Variants in TBC1D2 observed in about 807,000 individuals in gnomAD.
TBC1D2 encodes the protein TBC1 domain family member 2A.
TBC1D2 carries 58 observed loss-of-function variants against 91.1 expected under a neutral mutation model. The observed-to-expected ratio is 0.64, with a 90% CI of 0.52 to 0.79. The LOEUF is 0.79. TBC1D2 is among the 30% of genes least tolerant of loss of function. The pLI, the probability that TBC1D2 is intolerant of heterozygous loss-of-function variation, is 0.00. For missense variants in TBC1D2, 1,080 were observed against 1,208.3 expected (o/e 0.89, Z 1.57); for synonymous variants, 482 against 511.5 (o/e 0.94, Z 0.78).
rs754388447 is a variant in TBC1D2, at chr9:98,208,987, C to T, written c.1831G>A (p.Asp611Asn). The T allele has an allele frequency of 6.2e-6, 10 of 1,614,006 alleles. No homozygotes were observed. The highest frequency in any genetic ancestry group is 3.3e-5 in the South Asian group (3 of 91,080). ...PLRERWAALG[D>N]LVPSAELKQL... ...TTGAGCTCGGCTGAGGGCACAAGAT[C>T]GCCCAGGGCAGCCCAGCGCTCCCTC... The change falls in exon 9 of 13, where the codon GAT becomes AAT. Residue 611 changes from aspartate to asparagine, a missense_variant. Asp to Asn is a conservative substitution (Grantham distance 23). Coordinates refer to ENST00000465784, the MANE Select transcript of TBC1D2 (RefSeq NM_001267571.2).
chr9:98,220,731 C>T lies in TBC1D2; in HGVS notation c.1374+102G>A. On this transcript the variant is annotated intron_variant, in intron 6 of 12. Transcript: ENST00000465784. ...GAATATTCTAGGATGAAGGGGTATC[C>T]CCACTCCACCTAGCAAACCCTTAGG... The T allele has an allele frequency of 4.2e-6, 6 of 1,438,092 alleles. No individual in the cohort carries two copies. In the South Asian group the frequency reaches 6.7e-5, roughly 16 times the overall value. The allele number at this position is 1,438,092 out of a possible 1,614,324, so 89.1% of individuals were successfully genotyped here.
intron 5 of TBC1D2, among the ~76,000 whole-genome samples, chr9:98,224,068 C>T (rs892314506): frequency 3.3e-5 from 5 of 151,776 alleles, no homozygotes; most frequent in Admixed American, 1.3e-4. Flanking sequence ...GGCGTGGTGG[C>T]GGGTGCCTGT....
chr9:98,238,952 A>C (rs1261940517), intron 3 of TBC1D2, among the ~76,000 whole-genome samples: 1 of 151,870 alleles, frequency 6.6e-6, no homozygotes. Context: ...CAAACTCCTG[A>C]CCTCAGGTGA....
chr9:98,212,003 G>GAA (rs1358664928), intron 7 of TBC1D2, among the ~76,000 whole-genome samples: 13 of 151,982 alleles, frequency 8.6e-5, no homozygotes, highest in South Asian at 4.2e-4. Context: ...TCACCATGTT[G>GAA]CCCAGGCTGG....
At chr9:98,201,802 C>A in intron 10 of TBC1D2, 138 bp from the exon 11 acceptor site, 1 of 787,088 alleles carries the variant, frequency 1.3e-6, no homozygotes, top group Non-Finnish European at 2.0e-6. Context: ...CCAGGAGACA[C>A]CTCGGGGAGC....
chr9:98,209,569 T>G (rs928301714), intron 8 of TBC1D2, among the ~76,000 whole-genome samples: 2 of 152,136 alleles, frequency 1.3e-5, no homozygotes, highest in African/African-American at 4.8e-5. Flanking sequence ...ACAGCACCAA[T>G]GACAGACAGG....
intron 2 of TBC1D2, among the ~76,000 whole-genome samples, chr9:98,246,952 T>C (rs1272646580): frequency 6.6e-6 from 1 of 151,348 alleles, no homozygotes; most frequent in Non-Finnish European, 1.5e-5. Context: ...GAACCAAACC[T>C]GGCTTTGGGT....
chr9:98,228,988 C>T lies in TBC1D2; in HGVS notation c.942G>A (p.Gln314=), dbSNP rs771503718. Residue 314 remains glutamine (Q), a synonymous_variant, in exon 5 of 13, where the codon CAG becomes CAA. Coordinates refer to ENST00000465784, the MANE Select transcript of TBC1D2 (RefSeq NM_001267571.2). The surrounding 1 kb of genome is among the most constrained non-coding windows in gnomAD (Gnocchi z 4.0). ...TTAACTCCTTGGTGAGCATCAGAAC[C>T]TGTTGCTCCAAGGCTGCCACTTTCT... The part of the protein sequence containing the change: ...AQEKVAALEQ[Q]VLMLTKELKS... The T allele has an allele frequency of 6.2e-7, 1 of 1,614,226 alleles. No homozygotes were observed. The highest frequency in any genetic ancestry group is 2.2e-5 in the East Asian group (1 of 44,886).
chr9:98,217,429 A>C (rs1828997216), intron 6 of TBC1D2, among the ~76,000 whole-genome samples: 1 of 152,238 alleles, frequency 6.6e-6, no homozygotes, highest in African/African-American at 2.4e-5. Context: ...ACCCTGGGCC[A>C]GTCCTTCTCC....
In TBC1D2 at chr9:98,251,835, G is replaced by A. The variant is rs1481134359; in HGVS notation, c.461C>T (p.Thr154Ile). 5.0e-6 allele frequency: 8 copies of A among 1,605,182 alleles called. No homozygotes were observed. The South Asian group carries it at 7.8e-5, about 16-fold the overall frequency. Residue 154 changes from threonine (T) to isoleucine (I), a missense_variant, in exon 2 of 13, where the codon ACC (threonine) becomes ATC (isoleucine). Physicochemically the swap from Thr to Ile is moderately conservative, Grantham distance 89 (BLOSUM62 -1). Coordinates refer to ENST00000465784, the MANE Select transcript of TBC1D2 (RefSeq NM_001267571.2). ...FHNSPPAPPA[T>I]PDAALAGNGP... ...ATTCCCAGCCAGGGCGGCATCAGGG[G>A]TGGCAGGAGGTGCCGGCGGGCTGTT...
chr9:98,225,958 C>T (rs1305781323), intron 5 of TBC1D2, among the ~76,000 whole-genome samples: 3 of 152,338 alleles, frequency 2.0e-5, no homozygotes, highest in East Asian at 1.9e-4. Flanking sequence ...ACAGGAGGTG[C>T]CTTCCCACTA....
At position 98,221,046 on chromosome 9, in the gene TBC1D2, C is replaced by T. The variant is rs1053753188; in HGVS notation, c.1161G>A (p.Ala387=). The part of the protein sequence containing the change: ...EALEQERESL[A]HTASLREQQV... ...GCTGCTCCCGCAGGCTCGCTGTGTG[C>T]GCCAGGCTCTCCCGCTCCTGCTCCA... The change falls in exon 6 of 13, where the codon GCG becomes GCA. Residue 387 remains alanine (A), a synonymous_variant. Transcript: ENST00000465784. 3.7e-6 allele frequency: 6 copies of T among 1,613,066 alleles called. No individual in the cohort carries two copies. The highest frequency in any genetic ancestry group is 2.2e-5 in the East Asian group (1 of 44,880).
At position 98,228,821 on chromosome 9, in the gene TBC1D2, G is replaced by A. The variant is rs1829296129; in HGVS notation, c.978+131C>T. ...CAACAGCATATTTCAACATTCTGCA[G>A]TTTGGCCTTTAAAGACCAGAGAGTA... On this transcript the variant is annotated intron_variant, in intron 5 of 12. Coordinates refer to ENST00000465784, the MANE Select transcript of TBC1D2 (RefSeq NM_001267571.2). The surrounding 1 kb of genome is among the most constrained non-coding windows in gnomAD (Gnocchi z 4.0). 1 of 824,144 alleles carries A rather than the reference G, an allele frequency of 1.2e-6. No individual in the cohort carries two copies. The highest frequency in any genetic ancestry group is 1.7e-5 in the African/African-American group (1 of 58,718). 51.1% of individuals were successfully genotyped at this position (824,144 alleles called of 1,614,324 possible). A position where few individuals can be genotyped will look rare whatever the true frequency, so the allele number is the denominator to read the frequency against.
chr9:98,217,637 A>T (rs1829001611), intron 6 of TBC1D2, among the ~76,000 whole-genome samples: 1 of 152,248 alleles, frequency 6.6e-6, no homozygotes, highest in African/African-American at 2.4e-5. Context: ...CCTCAAACTC[A>T]AGACAATGGA....
chr9:98,212,405 C>A (rs1828867870), intron 7 of TBC1D2, among the ~76,000 whole-genome samples: 1 of 152,144 alleles, frequency 6.6e-6, no homozygotes, highest in African/African-American at 2.4e-5. Context: ...AACATTAACT[C>A]ATCCTTAGGA....
chr9:98,217,084 G>C (rs962107320), intron 6 of TBC1D2, among the ~76,000 whole-genome samples: 1 of 152,184 alleles, frequency 6.6e-6, no homozygotes, highest in Non-Finnish European at 1.5e-5. Context: ...CAGACATGCC[G>C]GACAGGGAGG....
intron 5 of TBC1D2, among the ~76,000 whole-genome samples, chr9:98,226,733 G>A (rs141462499): frequency 3.9e-5 from 6 of 152,336 alleles, no homozygotes; most frequent in African/African-American, 1.4e-4. Flanking sequence ...ACACAAAGTC[G>A]AGGTTTGGTG....
At chr9:98,236,866 T>C (rs1829517087) in intron 3 of TBC1D2, among the ~76,000 whole-genome samples, 3 of 152,092 alleles carry the variant, frequency 2.0e-5, no homozygotes, top group Non-Finnish European at 4.4e-5. Context: ...TATCACAAAA[T>C]AGCAGTTGGG....
chr9:98,241,798 C>A (rs1481497256), intron 3 of TBC1D2, among the ~76,000 whole-genome samples: 1 of 152,144 alleles, frequency 6.6e-6, no homozygotes, highest in African/African-American at 2.4e-5. Context: ...GTGCCCTCCA[C>A]ATCCACTCAC....
Sources: gnomAD v4.1 joint callset for allele counts (sites outside exome capture counted in the v4.1 genomes callset) on GRCh38, gnomAD v4.1.1 for gene constraint, Gnocchi (gnomAD v3.1) non-coding constraint, MANE v1.5 for transcripts, NCBI Gene and HGNC (gene_info 2026-07-23, HGNC 2026-07-21) for gene names.